Variants in SPECC1 observed in about 807,000 individuals in gnomAD.
SPECC1 encodes sperm antigen with calponin homology and coiled-coil domains 1.
Under a neutral mutation model 104.1 loss-of-function variants are expected in SPECC1, and 62 were observed. The observed-to-expected ratio is 0.60, with a 90% CI of 0.49 to 0.74. SPECC1 has a LOEUF of 0.74. Ranked by LOEUF, SPECC1 falls within the 30% of genes least tolerant of loss-of-function variation. The probability of loss-of-function intolerance (pLI) is 0.00; values close to 1 mark genes in which losing one functional copy is unlikely to be tolerated. For missense variants in SPECC1, 1,306 were observed against 1,310.5 expected, an observed-to-expected ratio of 1.00 and a Z score of 0.05; for synonymous variants, 513 against 501.6, an observed-to-expected ratio of 1.02 and a Z score of -0.30.
chr17:20,170,349 C>T (rs2033992245), intron 3 of SPECC1, among the ~76,000 whole-genome samples: 1 of 152,196 alleles, frequency 6.6e-6, no homozygotes, highest in Non-Finnish European at 1.5e-5. Flanking sequence ...GTTTTGAATT[C>T]TCAGGAGAAA....
At chr17:20,145,119 T>G (rs985915804) in intron 3 of SPECC1, among the ~76,000 whole-genome samples, 2 of 152,246 alleles carry the variant, frequency 1.3e-5, no homozygotes, top group Non-Finnish European at 2.9e-5. Context: ...CTTTGAAGAT[T>G]CTGTGTCCAG....
chr17:20,219,452 TTC>T (rs557089024), intron 4 of SPECC1, among the ~76,000 whole-genome samples: 137 of 152,324 alleles, frequency 9.0e-4, no homozygotes, highest in South Asian at 1.7e-3. Flanking sequence ...GTTTTCATGT[TTC>T]TGTTTGCCAT....
At chr17:20,279,769 CA>C (rs1255160988) in intron 12 of SPECC1, among the ~76,000 whole-genome samples, 4 of 152,200 alleles carry the variant, frequency 2.6e-5, no homozygotes, top group Admixed American at 2.0e-4. Context: ...ACCATGGTGA[CA>C]GGTGGTCTCC....
intron 14 of SPECC1, among the ~76,000 whole-genome samples, chr17:20,307,276 G>A (rs2041795356): frequency 6.6e-6 from 1 of 152,222 alleles, no homozygotes. Context: ...CTTAACAATA[G>A]TAGTTTTAGA....
intron 1 of SPECC1, among the ~76,000 whole-genome samples, chr17:20,042,037 C>T (rs977288956): frequency 1.3e-5 from 2 of 152,128 alleles, no homozygotes; most frequent in African/African-American, 2.4e-5. Flanking sequence ...TTGGGATCTT[C>T]CTGACTCTTG....
chr17:20,205,953 G>C, intron 4 of SPECC1, 41 bp downstream of exon 4: 2 of 1,563,448 alleles, frequency 1.3e-6, no homozygotes, highest in Non-Finnish European at 1.7e-6. Context: ...GCTCATCCTT[G>C]TTCACATTTC....
At chr17:20,281,987 G>T (rs746457844) in intron 12 of SPECC1, among the ~76,000 whole-genome samples, 53 of 152,344 alleles carry the variant, frequency 3.5e-4, no homozygotes, top group South Asian at 6.2e-4. Context: ...CTGCGTTCGG[G>T]TGCTGTGTGA....
At chr17:20,237,050 T>A in intron 7 of SPECC1, 1 of 1,473,570 alleles carries the variant, frequency 6.8e-7, no homozygotes, top group Non-Finnish European at 8.9e-7. Context: ...GTCGAGTCTC[T>A]GCTTTTTGTC....
chr17:20,260,428 G>A, intron 12 of SPECC1, 134 bp downstream of exon 12: 7 of 707,188 alleles, frequency 9.9e-6, no homozygotes, highest in Non-Finnish European at 1.6e-5. Context: ...TCCTAGGCAG[G>A]GCTGCCAGGG....
intron 4 of SPECC1, among the ~76,000 whole-genome samples, chr17:20,216,417 A>G (rs1043480728): frequency 2.0e-5 from 3 of 152,192 alleles, no homozygotes; most frequent in Admixed American, 6.5e-5. Context: ...GAGGATGGCA[A>G]GTAGCATGAC....
At chr17:20,102,579 A>G (rs1458752555) in intron 2 of SPECC1, among the ~76,000 whole-genome samples, 2 of 152,156 alleles carry the variant, frequency 1.3e-5, no homozygotes, top group African/African-American at 4.8e-5. Flanking sequence ...ATGGAACACA[A>G]TAGCTGATGT....
chr17:20,107,613 C>T (rs1159624976), intron 2 of SPECC1, among the ~76,000 whole-genome samples: 3 of 151,950 alleles, frequency 2.0e-5, no homozygotes, highest in Non-Finnish European at 4.4e-5. Context: ...TGTGTCACCA[C>T]ACCTGGCTAA....
At chr17:20,027,094 A>G (rs571940311) in intron 1 of SPECC1, among the ~76,000 whole-genome samples, 1 of 152,280 alleles carries the variant, frequency 6.6e-6, no homozygotes, top group Non-Finnish European at 1.5e-5. Flanking sequence ...GGCTCCCAGA[A>G]TAGCCAAAAC....
At chr17:20,064,372 C>G (rs963686392) in intron 1 of SPECC1, among the ~76,000 whole-genome samples, 1 of 152,190 alleles carries the variant, frequency 6.6e-6, no homozygotes, top group Non-Finnish European at 1.5e-5. Context: ...GTTCTTTCCC[C>G]AAATTAGTTT....
At chr17:20,206,718 G>T (rs936606496) in intron 4 of SPECC1, among the ~76,000 whole-genome samples, 1 of 151,868 alleles carries the variant, frequency 6.6e-6, no homozygotes, top group Non-Finnish European at 1.5e-5. Context: ...ATTCCTAGAC[G>T]ATGACTTACC....
chr17:20,071,555 T>G (rs962442010), intron 1 of SPECC1, among the ~76,000 whole-genome samples: 2 of 152,232 alleles, frequency 1.3e-5, no homozygotes, highest in Non-Finnish European at 2.9e-5. Flanking sequence ...ACAACACATT[T>G]ATAAAATTGT....
intron 12 of SPECC1, among the ~76,000 whole-genome samples, chr17:20,288,436 A>G (rs776559748): frequency 3.3e-5 from 5 of 152,346 alleles, no homozygotes; most frequent in East Asian, 1.9e-4. Flanking sequence ...ATGAACAGAC[A>G]CTTCTCAAAA....
At chr17:20,201,779 C>A (rs888782395) in intron 3 of SPECC1, among the ~76,000 whole-genome samples, 12 of 152,116 alleles carry the variant, frequency 7.9e-5, no homozygotes, top group African/African-American at 2.9e-4. Flanking sequence ...GGTTAGGTAT[C>A]TGTGACACCT....
chr17:20,062,589 T>C (rs960496694), intron 1 of SPECC1, among the ~76,000 whole-genome samples: 3 of 152,094 alleles, frequency 2.0e-5, no homozygotes, highest in Non-Finnish European at 4.4e-5. Context: ...AGTTTCAAAC[T>C]CCTGAGCTCA....
Sources: allele counts gnomAD v4.1 joint callset (sites outside exome capture counted in the v4.1 genomes callset), GRCh38; gene constraint gnomAD v4.1.1; transcripts MANE v1.5; gene names NCBI Gene and HGNC (gene_info 2026-07-23, HGNC 2026-07-21).